Variants in MEGF11 observed in about 807,000 individuals in gnomAD.
MEGF11 encodes the protein multiple EGF like domains 11, also known as multiple epidermal growth factor-like domains protein 11.
Under a neutral mutation model 146.6 loss-of-function variants are expected in MEGF11, and 126 were observed. The ratio of observed to expected loss-of-function variants is 0.86; its 90% CI spans 0.74 to 1.00. The LOEUF is 1.00. MEGF11 is among the 50% of genes least tolerant of loss of function. The pLI, the probability that MEGF11 is intolerant of heterozygous loss-of-function variation, is 0.00. For synonymous variants in MEGF11, 532 were observed against 583.4 expected, an observed-to-expected ratio of 0.91 and a Z score of 1.27; for missense variants, 1,509 against 1,521.2, an observed-to-expected ratio of 0.99 and a Z score of 0.13.
At chr15:65,971,420 A>G (rs1258130884) in intron 7 of MEGF11, among the ~76,000 whole-genome samples, 1 of 152,204 alleles carries the variant, frequency 6.6e-6, no homozygotes, top group East Asian at 1.9e-4. Context: ...ATAGGGAATT[A>G]GACCCCCAAT....
intron 1 of MEGF11, among the ~76,000 whole-genome samples, chr15:66,202,166 C>G (rs1176070896): frequency 1.3e-5 from 2 of 152,018 alleles, no homozygotes; most frequent in Non-Finnish European, 2.9e-5. Context: ...ACATACTCAT[C>G]ACACATGCAT....
chr15:66,083,646 A>G (rs1290675567), intron 5 of MEGF11, among the ~76,000 whole-genome samples: 2 of 152,086 alleles, frequency 1.3e-5, no homozygotes, highest in Non-Finnish European at 2.9e-5. Context: ...AAAAAAAAAA[A>G]CTTTTATATA....
At chr15:65,906,439 G>A (rs971842841) in intron 23 of MEGF11, among the ~76,000 whole-genome samples, 3 of 152,186 alleles carry the variant, frequency 2.0e-5, no homozygotes, top group African/African-American at 7.2e-5. Flanking sequence ...CACCCTAGGG[G>A]AGTGTCTTTC....
In MEGF11 at chr15:66,148,616, G is replaced by A. The variant is rs74637195; in HGVS notation, c.-8-20205C>T. ...GCTGAGTAGCAATTGGGTTGCACAG[G>A]CTCTTTGGTCACTGTGTTCTTGCCC... is the stretch of plus-strand genomic sequence containing the variant. On this transcript the variant is annotated intron_variant, in intron 1 of 25. Coordinates refer to ENST00000395614, the MANE Select transcript of MEGF11 (RefSeq NM_001385028.1). 1.3e-3 allele frequency among the ~76,000 whole-genome samples: 198 copies of A among 152,242 alleles called. 1 individual carries two copies. The highest frequency in any genetic ancestry group is 2.1e-3 in the Non-Finnish European group (146 of 68,010).
intron 1 of MEGF11, among the ~76,000 whole-genome samples, chr15:66,143,718 C>T (rs2089260214): frequency 6.6e-6 from 1 of 152,190 alleles, no homozygotes; most frequent in South Asian, 2.1e-4. Flanking sequence ...ACCTGCTTTC[C>T]TGGGCCCTCA....
At chr15:66,186,042 C>T (rs1389999360) in intron 1 of MEGF11, among the ~76,000 whole-genome samples, 4 of 152,178 alleles carry the variant, frequency 2.6e-5, no homozygotes, top group African/African-American at 4.8e-5. Flanking sequence ...GGGGCAGCCC[C>T]AGGACCTTCC....
At chr15:66,082,469 C>A (rs1410383510) in intron 5 of MEGF11, among the ~76,000 whole-genome samples, 2 of 38,476 alleles carry the variant, frequency 5.2e-5, no homozygotes, top group African/African-American at 3.3e-4. Flanking sequence ...AAAAAAAAAT[C>A]TATCTATCTA....
intron 10 of MEGF11, among the ~76,000 whole-genome samples, chr15:65,932,158 C>G (rs528014684): frequency 2.0e-5 from 3 of 152,206 alleles, no homozygotes; most frequent in Non-Finnish European, 4.4e-5. Flanking sequence ...TTCTGCTGAT[C>G]TGGCAGGAAG....
At chr15:66,013,964 G>A (rs1852158847) in intron 5 of MEGF11, among the ~76,000 whole-genome samples, 1 of 152,182 alleles carries the variant, frequency 6.6e-6, no homozygotes, top group Non-Finnish European at 1.5e-5. Context: ...CTGGGGCCAG[G>A]AAAGTGACTG....
intron 1 of MEGF11, among the ~76,000 whole-genome samples, chr15:66,184,714 T>G (rs1275893271): frequency 6.7e-6 from 1 of 149,830 alleles, no homozygotes; most frequent in African/African-American, 2.5e-5. Context: ...CACCCCTGCC[T>G]CGCTGACTTT....
chr15:65,996,015 A>G (rs987412826), intron 5 of MEGF11, among the ~76,000 whole-genome samples: 1 of 152,200 alleles, frequency 6.6e-6, no homozygotes, highest in African/African-American at 2.4e-5. Flanking sequence ...AGATGTCACC[A>G]GAGTCCTGGG....
chr15:66,059,552 T>A (rs766665200), intron 5 of MEGF11, among the ~76,000 whole-genome samples: 1 of 152,100 alleles, frequency 6.6e-6, no homozygotes, highest in Non-Finnish European at 1.5e-5. Flanking sequence ...TGCTTTTGAC[T>A]CAGCAAAACT....
chr15:65,994,662 G>C (rs1471083072), intron 5 of MEGF11, among the ~76,000 whole-genome samples: 2 of 152,202 alleles, frequency 1.3e-5, no homozygotes, highest in Non-Finnish European at 2.9e-5. Flanking sequence ...TGGGCCAGGG[G>C]CAGGAGGGAC....
chr15:65,959,412 A>G (rs906736071), intron 9 of MEGF11, among the ~76,000 whole-genome samples: 1 of 152,242 alleles, frequency 6.6e-6, no homozygotes, highest in African/African-American at 2.4e-5. Context: ...CATTTCAGAA[A>G]AGTGTTTAGT....
Position 65,906,107 on chromosome 15 carries a change from G to A in MEGF11, c.3033C>T (p.Tyr1011=), listed in dbSNP as rs772548912. The change falls in exon 24 of 26, where the codon TAC becomes TAT. Residue 1011 remains tyrosine, a synonymous_variant. Transcript: ENST00000395614. The part of the protein sequence containing the change: ...ACGMDRRQNT[Y]IMDKGFKDYM... ...TACCTTTGAAGCCTTTGTCCATAAT[G>A]TATGTGTTCTGACGTCTATCCATTC... 2 of 1,611,150 alleles carry A rather than the reference G, an allele frequency of 1.2e-6. No individual in the cohort carries two copies. The highest frequency in any genetic ancestry group is 3.4e-5 in the Admixed American group (2 of 59,670).
At chr15:66,097,128 T>G (rs2086587588) in intron 4 of MEGF11, among the ~76,000 whole-genome samples, 3 of 152,268 alleles carry the variant, frequency 2.0e-5, no homozygotes, top group African/African-American at 2.4e-5. Context: ...TTGCCTGCAC[T>G]ATTTGCTTGT....
chr15:65,968,775 A>T (rs1252089740), intron 8 of MEGF11, among the ~76,000 whole-genome samples: 1 of 152,176 alleles, frequency 6.6e-6, no homozygotes, highest in Non-Finnish European at 1.5e-5. Context: ...AACCAGATAC[A>T]TTGCTCAATT....
rs550897549 is a variant in MEGF11 at position 66,244,456 on chromosome 15, G to A, written c.-9+9149C>T. Among the ~76,000 whole-genome samples the A allele has an allele frequency of 6.6e-5, 10 of 152,260 alleles. No individual in the cohort carries two copies. The South Asian group carries it at 2.1e-3, about 32-fold the overall frequency. Reference sequence around the variant, plus strand: ...GCAGCAAAGCAGTGGGGCACAGTGGGACACAAGGAAAAAGAGACTGGGAGA... The same window carrying A: ...GCAGCAAAGCAGTGGGGCACAGTGGAACACAAGGAAAAAGAGACTGGGAGA... On this transcript the variant is annotated intron_variant, in intron 1 of 25. Coordinates refer to ENST00000395614, the MANE Select transcript of MEGF11 (RefSeq NM_001385028.1).
intron 5 of MEGF11, among the ~76,000 whole-genome samples, chr15:66,036,053 G>A (rs974421236): frequency 1.2e-4 from 19 of 152,190 alleles, no homozygotes; most frequent in African/African-American, 3.9e-4. Flanking sequence ...GCTTTCTCCC[G>A]AGTTCCAGGA....
Sources: gnomAD v4.1 joint callset for allele counts (sites outside exome capture counted in the v4.1 genomes callset) on GRCh38, gnomAD v4.1.1 for gene constraint, MANE v1.5 for transcripts, NCBI Gene and HGNC (gene_info 2026-07-23, HGNC 2026-07-21) for gene names.